The following CEP57L1 variants were observed in gnomAD, a reference collection of about 807,000 sequenced individuals.
The protein encoded by CEP57L1 is centrosomal protein CEP57L1.
A neutral mutation model predicts 61.0 loss-of-function variants in CEP57L1; 37 were observed. The ratio of observed to expected loss-of-function variants is 0.61; its 90% CI spans 0.47 to 0.80. The LOEUF is 0.80. CEP57L1 is among the 30% of genes least tolerant of loss of function. The pLI is 0.00. For synonymous variants in CEP57L1, 137 were observed against 162.3 expected (o/e 0.84, Z 1.19); for missense variants, 422 against 524.7 (o/e 0.80, Z 1.91).
intron 4 of CEP57L1, 22 bp downstream of exon 4, chr6:109,150,261 A>C: frequency 6.3e-7 from 1 of 1,583,646 alleles, no homozygotes; most frequent in Non-Finnish European, 8.6e-7. Flanking sequence ...TTCTATAAGG[A>C]ATGATAATAT....
chr6:109,142,520 A>G (rs2066408363), intron 1 of CEP57L1, among the ~76,000 whole-genome samples: 1 of 152,100 alleles, frequency 6.6e-6, no homozygotes, highest in African/African-American at 2.4e-5. Flanking sequence ...AATATGGCAC[A>G]TGTATACCTA....
intron 1 of CEP57L1, 68 bp downstream of exon 1, chr6:109,095,643 A>AT (rs1298016336): frequency 1.0e-6 from 1 of 954,050 alleles, no homozygotes; most frequent in Admixed American, 6.2e-5. Flanking sequence ...TTCCTCTGGG[A>AT]TTTTGGAGAC....
At chr6:109,119,267 G>C (rs1489630456) in intron 1 of CEP57L1, among the ~76,000 whole-genome samples, 3 of 152,146 alleles carry the variant, frequency 2.0e-5, no homozygotes, top group Non-Finnish European at 4.4e-5. Flanking sequence ...ATTTTAGGTA[G>C]ATCACTCTAG....
intron 6 of CEP57L1, 149 bp downstream of exon 6, chr6:109,155,456 G>A: frequency 2.0e-6 from 1 of 497,146 alleles, no homozygotes; most frequent in Non-Finnish European, 3.5e-6. Context: ...CAGTCAGCCA[G>A]TATGATACAT....
intron 1 of CEP57L1, among the ~76,000 whole-genome samples, chr6:109,119,991 A>T (rs910479531): frequency 6.6e-6 from 1 of 152,220 alleles, no homozygotes; most frequent in Non-Finnish European, 1.5e-5. Flanking sequence ...TGGATGAAAT[A>T]TCCAAAATAT....
At chr6:109,134,715 T>G (rs1477043644) in intron 1 of CEP57L1, among the ~76,000 whole-genome samples, 1 of 152,120 alleles carries the variant, frequency 6.6e-6, no homozygotes, top group Admixed American at 6.5e-5. Flanking sequence ...TTCAGCAAAG[T>G]CTCAGGATAC....
intron 1 of CEP57L1, among the ~76,000 whole-genome samples, chr6:109,112,202 C>T (rs1259753856): frequency 6.6e-6 from 1 of 152,106 alleles, no homozygotes; most frequent in Non-Finnish European, 1.5e-5. Flanking sequence ...AATTTCAGAA[C>T]CTGTTATTGG....
intron 1 of CEP57L1, among the ~76,000 whole-genome samples, chr6:109,132,271 A>T (rs1328516291): frequency 6.6e-6 from 1 of 152,210 alleles, no homozygotes; most frequent in East Asian, 1.9e-4. Context: ...TGTGTTTAAA[A>T]TTAGAACTCT....
At chr6:109,102,888 G>A (rs906994844) in intron 1 of CEP57L1, among the ~76,000 whole-genome samples, 1 of 152,172 alleles carries the variant, frequency 6.6e-6, no homozygotes. Flanking sequence ...TATCTGGAAT[G>A]TATCAGGAAA....
Position 109,170,951 on chromosome 6 carries a change from T to TA in CEP57L1, c.*7987dup, listed in dbSNP as rs1325690199. On this transcript the variant is annotated 3_prime_UTR_variant, in exon 11 of 11. Transcript: ENST00000517392. ...AAAGATATCTGCTTTTACTTTAATC[T>TA]AAAAAATAATTGATTTTTTAAAAAA... 6.6e-6 allele frequency among the ~76,000 whole-genome samples: 1 copy of TA among 152,212 alleles called. No homozygotes were observed. Among genetic ancestry groups the TA allele is most frequent in the African/African-American group, 2.4e-5 (1 of 41,464 alleles).
At chr6:109,151,292 A>C (rs1772588147) in intron 4 of CEP57L1, among the ~76,000 whole-genome samples, 1 of 152,226 alleles carries the variant, frequency 6.6e-6, no homozygotes, top group South Asian at 2.1e-4. Flanking sequence ...AAGAACAGCC[A>C]AAGTATTCTG....
At chr6:109,162,253 G>A (rs1290606236) in intron 10 of CEP57L1, among the ~76,000 whole-genome samples, 2 of 152,026 alleles carry the variant, frequency 1.3e-5, no homozygotes, top group Non-Finnish European at 2.9e-5. Context: ...ACATGTGTGT[G>A]TATAACTTTC....
chr6:109,111,320 CTCTG>C (rs1771587825), intron 1 of CEP57L1, among the ~76,000 whole-genome samples: 1 of 151,690 alleles, frequency 6.6e-6, no homozygotes, highest in Non-Finnish European at 1.5e-5. Context: ...CGATTTGGCT[CTCTG>C]TCTGTTATTG....
rs1774515148 is a variant in CEP57L1, at chr6:109,173,826, T to C, written c.*10856T>C. Among the ~76,000 whole-genome samples the C allele has an allele frequency of 6.6e-6, 1 of 151,642 alleles. No homozygotes were observed. The highest frequency in any genetic ancestry group is 1.5e-5 in the Non-Finnish European group (1 of 67,954). ...AAAAGCCATGTGTTGGGGCTGAACG[T>C]AGTGGCTCACGCCTATAATCCCAGC... On this transcript the variant is annotated 3_prime_UTR_variant, in exon 11 of 11. Transcript: ENST00000517392.
chr6:109,095,959 T>C (rs1311753161), intron 1 of CEP57L1, among the ~76,000 whole-genome samples: 1 of 152,160 alleles, frequency 6.6e-6, no homozygotes, highest in African/African-American at 2.4e-5. Context: ...CTTTATTTGC[T>C]CAGTCAAATG....
rs370688489 is a variant in CEP57L1 at position 109,167,176 on chromosome 6, C to T, written c.*4206C>T. ...TCTTCATATTCCATCTACTTGTTTT[C>T]ATGTAACTTTGTCTTTCAATTCGTT... On this transcript the variant is annotated 3_prime_UTR_variant, in exon 11 of 11. Transcript: ENST00000517392. Among the ~76,000 whole-genome samples the T allele has an allele frequency of 1.7e-4, 25 of 147,912 alleles. No homozygotes were observed. The highest frequency in any genetic ancestry group is 6.0e-4 in the African/African-American group (24 of 39,938).
chr6:109,105,022 A>G (rs975300591), intron 1 of CEP57L1, among the ~76,000 whole-genome samples: 1 of 152,056 alleles, frequency 6.6e-6, no homozygotes, highest in Non-Finnish European at 1.5e-5. Flanking sequence ...CTTGTCTTTT[A>G]ACTTCCATTG....
chr6:109,122,310 T>C (rs1472601274), intron 1 of CEP57L1, among the ~76,000 whole-genome samples: 1 of 152,210 alleles, frequency 6.6e-6, no homozygotes, highest in Non-Finnish European at 1.5e-5. Context: ...TGTGTACAGA[T>C]GGAGACTTTC....
rs372766890 is a variant in CEP57L1 at position 109,153,833 on chromosome 6, G to A, written c.463G>A (p.Ala155Thr). The change falls in exon 5 of 11, where the codon GCC (alanine) becomes ACC (threonine). Residue 155 changes from alanine to threonine, a missense_variant and splice_region_variant. Coordinates refer to ENST00000517392, the MANE Select transcript of CEP57L1 (RefSeq NM_001271852.3). ...REKNMILEQQ[A>T]QLQREKEQDQ... Reference sequence around the variant, plus strand: ...GCTATTTTATTTTTATCCTTTCTAGGCCCAGCTTCAGAGGGAAAAAGAACA... The same window carrying A: ...GCTATTTTATTTTTATCCTTTCTAGACCCAGCTTCAGAGGGAAAAAGAACA... 44 of 1,597,140 alleles carry A rather than the reference G, an allele frequency of 2.8e-5. No homozygotes were observed. Among genetic ancestry groups the A allele is most frequent in the Non-Finnish European group, 1.2e-5 (14 of 1,167,554 alleles).
Sources: allele counts gnomAD v4.1 joint callset (sites outside exome capture counted in the v4.1 genomes callset), GRCh38; gene constraint gnomAD v4.1.1; transcripts MANE v1.5; gene names NCBI Gene and HGNC (gene_info 2026-07-23, HGNC 2026-07-21).